The following IL16 variants were observed in gnomAD, a reference collection of about 807,000 sequenced individuals.
IL16 encodes interleukin 16.
A neutral mutation model predicts 110.1 loss-of-function variants in IL16; 67 were observed. That is an observed-to-expected ratio of 0.61 (90% confidence interval 0.50 to 0.75). The LOEUF (loss-of-function observed/expected upper bound fraction) is 0.75, where lower values mean the gene tolerates loss of function less well. Ranked by LOEUF, IL16 falls within the 30% of genes least tolerant of loss-of-function variation. IL16 has a pLI of 0.00. For synonymous variants in IL16, 689 were observed against 662.9 expected (o/e 1.04, Z -0.61); for missense variants, 1,545 against 1,655.0 (o/e 0.93, Z 1.15).
chr15:81,237,313 G>A (rs751411565), intron 2 of IL16, among the ~76,000 whole-genome samples: 2 of 152,126 alleles, frequency 1.3e-5, no homozygotes, highest in Non-Finnish European at 2.9e-5. Context: ...ATTGAAGAAT[G>A]GCAACTAGCT....
At chr15:81,282,564 G>A in intron 8 of IL16, 75 bp from the exon 9 acceptor site, 1 of 1,047,678 alleles carries the variant, frequency 9.5e-7, no homozygotes, top group Non-Finnish European at 1.5e-6. Flanking sequence ...CCATGTCTGT[G>A]GCACCCAATC....
chr15:81,270,280 GA>G (rs1416122939), intron 5 of IL16, among the ~76,000 whole-genome samples: 3 of 152,212 alleles, frequency 2.0e-5, no homozygotes, highest in Non-Finnish European at 4.4e-5. Context: ...ACTGCTCCCA[GA>G]ACATGCCACC....
At chr15:81,268,229 G>C (rs1277364302) in intron 4 of IL16, among the ~76,000 whole-genome samples, 1 of 152,242 alleles carries the variant, frequency 6.6e-6, no homozygotes. Context: ...ACAAGAGAGA[G>C]GGTGATCCAG....
rs1250771599 is a variant in IL16 at position 81,313,515 on chromosome 15, C to G, written c.*4717C>G. Reference sequence around the variant, plus strand: ...GTGGAAATGGCCATGATACAGTGATCGCGTCTCATCCCTTGCTGTGCCCTC... The same window carrying G: ...GTGGAAATGGCCATGATACAGTGATGGCGTCTCATCCCTTGCTGTGCCCTC... On this transcript the variant is annotated 3_prime_UTR_variant, in exon 19 of 19. Transcript: ENST00000683961. 3 of 1,056,146 alleles carry G rather than the reference C, an allele frequency of 2.8e-6. 1 individual carries two copies. Among genetic ancestry groups the G allele is most frequent in the Non-Finnish European group, 2.6e-6 (2 of 772,778 alleles). 65.4% of individuals were successfully genotyped at this position (1,056,146 alleles called of 1,614,324 possible).
intron 15 of IL16, among the ~76,000 whole-genome samples, 199 bp downstream of exon 15, chr15:81,301,711 C>T (rs771491743): frequency 6.6e-6 from 1 of 152,204 alleles, no homozygotes; most frequent in African/African-American, 2.4e-5. Context: ...TTGTGAACCA[C>T]TTTCAGTAGA....
intron 1 of IL16, among the ~76,000 whole-genome samples, chr15:81,200,015 G>C (rs1895752035): frequency 6.6e-6 from 1 of 152,192 alleles, no homozygotes; most frequent in Non-Finnish European, 1.5e-5. Context: ...AAACCTGAAA[G>C]TAGTGGTTTT....
At chr15:81,185,266 C>T (rs753521179) in intron 1 of IL16, among the ~76,000 whole-genome samples, 1 of 152,158 alleles carries the variant, frequency 6.6e-6, no homozygotes, top group Non-Finnish European at 1.5e-5. Flanking sequence ...CTCTCCGTCT[C>T]CTCCTAATTT....
rs145731187 is a variant in IL16 at position 81,265,002 on chromosome 15, G to T, written c.422-657G>T. The stretch of plus-strand genomic sequence containing the variant: ...GAAGCACTGTTGTAGACAATGACAG[G>T]TTAAATCAGATCATCTGTGAAGGTT... On this transcript the variant is annotated intron_variant, in intron 3 of 18. Coordinates refer to ENST00000683961, the MANE Select transcript of IL16 (RefSeq NM_172217.5). Among the ~76,000 whole-genome samples, 422 of 152,332 alleles carry T rather than the reference G, an allele frequency of 2.8e-3. 3 individuals carry two copies. The highest frequency in any genetic ancestry group is 4.0e-3 in the Non-Finnish European group (274 of 68,026).
chr15:81,220,938 G>T (rs1379725314), intron 1 of IL16, among the ~76,000 whole-genome samples: 1 of 152,116 alleles, frequency 6.6e-6, no homozygotes, highest in Non-Finnish European at 1.5e-5. Context: ...TTTCAATTCA[G>T]CTCTATCCTT....
At chr15:81,234,705 C>T (rs959376405) in intron 2 of IL16, among the ~76,000 whole-genome samples, 1 of 152,078 alleles carries the variant, frequency 6.6e-6, no homozygotes, top group Non-Finnish European at 1.5e-5. Context: ...ATGTGTTTCT[C>T]GGTAAGATCA....
chr15:81,230,812 G>A (rs1233278617), intron 2 of IL16, among the ~76,000 whole-genome samples: 2 of 152,156 alleles, frequency 1.3e-5, no homozygotes. Context: ...AATGAGCTCT[G>A]GTCAAGCTGA....
At position 81,259,331 on chromosome 15, in the gene IL16, C is replaced by G. The variant is rs114752549; in HGVS notation, c.313-441C>G. On this transcript the variant is annotated intron_variant, in intron 2 of 18. Coordinates refer to ENST00000683961, the MANE Select transcript of IL16 (RefSeq NM_172217.5). ...TTCCAGGCTCCCTATCCACATTGCTCTCTAGTTCTTTTCTTCAGAGCACTT... is the reference window on the plus strand; with the variant it reads ...TTCCAGGCTCCCTATCCACATTGCTGTCTAGTTCTTTTCTTCAGAGCACTT... Among the ~76,000 whole-genome samples the G allele has an allele frequency of 4.7e-3, 723 of 152,298 alleles. 5 individuals carry two copies. The highest frequency in any genetic ancestry group is 0.017 in the African/African-American group (700 of 41,556).
chr15:81,250,304 G>C (rs1439074485), intron 2 of IL16, among the ~76,000 whole-genome samples: 4 of 151,974 alleles, frequency 2.6e-5, no homozygotes, highest in African/African-American at 9.7e-5. Context: ...CGAGTAGCTG[G>C]GATTACAGGC....
At chr15:81,242,455 T>A (rs1334309380) in intron 2 of IL16, among the ~76,000 whole-genome samples, 1 of 152,176 alleles carries the variant, frequency 6.6e-6, no homozygotes, top group African/African-American at 2.4e-5. Flanking sequence ...CCTATACATG[T>A]TTTGTCAGAT....
At chr15:81,258,804 CACA>C (rs982969756) in intron 2 of IL16, among the ~76,000 whole-genome samples, 31 of 151,936 alleles carry the variant, frequency 2.0e-4, no homozygotes, top group African/African-American at 6.3e-4. Context: ...TATACGCACA[CACA>C]ACATGTGCAC....
chr15:81,217,628 A>G (rs1232722976), intron 1 of IL16, among the ~76,000 whole-genome samples: 1 of 152,232 alleles, frequency 6.6e-6, no homozygotes, highest in Admixed American at 6.5e-5. Context: ...AAAGTCCTAA[A>G]TAAAATGTTA....
At chr15:81,268,008 G>A (rs1012940625) in intron 4 of IL16, among the ~76,000 whole-genome samples, 1 of 152,354 alleles carries the variant, frequency 6.6e-6, no homozygotes, top group African/African-American at 2.4e-5. Flanking sequence ...TAACCACCAC[G>A]GATGTCCATG....
intron 18 of IL16, chr15:81,306,979 CTT>C (rs543865144): frequency 2.7e-4 from 79 of 297,180 alleles, no homozygotes; most frequent in Non-Finnish European, 4.9e-4. Context: ...CAGAGTCTGA[CTT>C]TGTACTGCAC....
At chr15:81,258,693 T>C (rs1233231021) in intron 2 of IL16, among the ~76,000 whole-genome samples, 1 of 152,072 alleles carries the variant, frequency 6.6e-6, no homozygotes, top group East Asian at 1.9e-4. Context: ...AGCACCACCC[T>C]GTCCTGACCT....
Sources: allele counts gnomAD v4.1 joint callset (sites outside exome capture counted in the v4.1 genomes callset), GRCh38; gene constraint gnomAD v4.1.1; transcripts MANE v1.5; gene names NCBI Gene and HGNC (gene_info 2026-07-23, HGNC 2026-07-21).